Variants in ZNF346 observed in about 807,000 individuals in gnomAD.
The protein encoded by ZNF346 is double-stranded RNA-binding zinc finger protein JAZ.
In ZNF346, 23 loss-of-function variants were observed where a neutral mutation model predicts 33.7. The observed-to-expected ratio is 0.68, with a 90% CI of 0.49 to 0.97. ZNF346 has a LOEUF of 0.97. ZNF346 is among the 50% of genes least tolerant of loss of function. The pLI is 0.00. For synonymous variants in ZNF346, 134 were observed against 142.4 expected (o/e 0.94, Z 0.42); for missense variants, 340 against 371.1 (o/e 0.92, Z 0.69).
chr5:177,063,823 G>A lies in ZNF346; in HGVS notation c.798-689G>A, dbSNP rs1415034360. Among the ~76,000 whole-genome samples, 4 of 152,292 alleles carry A rather than the reference G, an allele frequency of 2.6e-5. No individual in the cohort carries two copies. In the East Asian group the frequency reaches 7.7e-4, roughly 29 times the overall value. ...GAATAGCTTGAGCCCAGGAGTTGGAGTGAGCCATGAGTTGCAGTGAGCTAT... is the reference window on the plus strand; with the variant it reads ...GAATAGCTTGAGCCCAGGAGTTGGAATGAGCCATGAGTTGCAGTGAGCTAT... On this transcript the variant is annotated intron_variant, in intron 6 of 6. Coordinates refer to ENST00000358149, the MANE Select transcript of ZNF346 (RefSeq NM_012279.4).
intron 2 of ZNF346, among the ~76,000 whole-genome samples, chr5:177,041,442 C>A (rs933714804): frequency 6.6e-6 from 1 of 152,196 alleles, no homozygotes; most frequent in Admixed American, 6.5e-5. Flanking sequence ...TCTTCCCTTG[C>A]AGCTTGGCAT....
intron 1 of ZNF346, among the ~76,000 whole-genome samples, chr5:177,029,000 T>A (rs1165570730): frequency 6.6e-6 from 1 of 151,794 alleles, no homozygotes; most frequent in African/African-American, 2.4e-5. Flanking sequence ...ATTACAGGCG[T>A]GAGCCACCGC....
intron 1 of ZNF346, among the ~76,000 whole-genome samples, chr5:177,028,521 T>TATATATA (rs56006820): frequency 8.8e-5 from 12 of 135,886 alleles, no homozygotes; most frequent in East Asian, 2.1e-4. Context: ...TATATATATA[T>TATATATA]TTCCCTCCAT....
intron 8 of ZNF346, among the ~76,000 whole-genome samples, chr5:177,073,073 A>G (rs1783581526): frequency 6.6e-6 from 1 of 152,198 alleles, no homozygotes; most frequent in African/African-American, 2.4e-5. Flanking sequence ...CCCCTCTAGC[A>G]TAGCCCTTAA....
rs1783194413 is a variant in ZNF346 at position 177,066,647 on chromosome 5, C to T, written c.*2048C>T. On this transcript the variant is annotated 3_prime_UTR_variant, in exon 7 of 7. Coordinates refer to ENST00000358149, the MANE Select transcript of ZNF346 (RefSeq NM_012279.4). Reference sequence around the variant, plus strand: ...GCTCAGGAGGCTAAGGCAGAAAGACCATTCAAGCCCAGGAGTTCCAGCCTG... The same window carrying T: ...GCTCAGGAGGCTAAGGCAGAAAGACTATTCAAGCCCAGGAGTTCCAGCCTG... Among the ~76,000 whole-genome samples the T allele has an allele frequency of 1.3e-5, 2 of 151,802 alleles. No homozygotes were observed. The highest frequency in any genetic ancestry group is 6.6e-5 in the Admixed American group (1 of 15,208).
intron 5 of ZNF346, 87 bp downstream of exon 5, chr5:177,051,023 T>G: frequency 2.9e-6 from 3 of 1,052,210 alleles, no homozygotes; most frequent in Non-Finnish European, 4.3e-6. Flanking sequence ...CTTTTCCTCC[T>G]TAGGTCTTGT....
At chr5:177,028,245 G>T (rs1777108752) in intron 1 of ZNF346, among the ~76,000 whole-genome samples, 1 of 148,082 alleles carries the variant, frequency 6.8e-6, no homozygotes, top group Admixed American at 6.7e-5. Flanking sequence ...CACTGTGTTG[G>T]CCAGGCTGGT....
intron 5 of ZNF346, among the ~76,000 whole-genome samples, chr5:177,059,438 G>C (rs987479139): frequency 6.6e-6 from 1 of 152,136 alleles, no homozygotes; most frequent in Non-Finnish European, 1.5e-5. Context: ...ATCCCACCAG[G>C]GGCAAATGCA....
intron 1 of ZNF346, among the ~76,000 whole-genome samples, chr5:177,031,739 T>C (rs2149594176): frequency 6.6e-6 from 1 of 152,276 alleles, no homozygotes; most frequent in East Asian, 1.9e-4. Context: ...CATATGTTAG[T>C]ATGCTTGAAG....
rs1308018820 is a variant in ZNF346 at position 177,041,317 on chromosome 5, T to A, written c.279+88T>A. The A allele has an allele frequency of 2.7e-6, 3 of 1,130,696 alleles. No individual in the cohort carries two copies. In the African/African-American group the frequency reaches 4.6e-5, roughly 17 times the overall value. The allele number at this position is 1,130,696 out of a possible 1,614,324, so 70.0% of individuals were successfully genotyped here. The stretch of plus-strand genomic sequence containing the variant: ...CTCTGGCTTGCATGGTGAAGTGTAA[T>A]TGCTGCTTAGCCACCCAGATGTTGC... On this transcript the variant is annotated intron_variant, in intron 2 of 6. Coordinates refer to ENST00000358149, the MANE Select transcript of ZNF346 (RefSeq NM_012279.4).
intron 3 of ZNF346, among the ~76,000 whole-genome samples, chr5:177,043,873 C>T (rs1019536328): frequency 3.9e-5 from 6 of 152,092 alleles, no homozygotes; most frequent in African/African-American, 7.2e-5. Flanking sequence ...TCAAATAGTC[C>T]GTGTTCCAAT....
At chr5:177,068,598 C>A (rs1783347249), downstream of ZNF346, among the ~76,000 whole-genome samples, 1 of 143,778 alleles carries the variant, frequency 7.0e-6, no homozygotes, top group Admixed American at 6.7e-5. Context: ...ATTGCCTCAA[C>A]TGGTTTAGTC....
rs529123131 is a variant in ZNF346 at position 177,037,727 on chromosome 5, T to C, written c.176-3399T>C. 2.5e-4 allele frequency among the ~76,000 whole-genome samples: 38 copies of C among 152,322 alleles called. No individual in the cohort carries two copies. In the South Asian group the frequency reaches 7.5e-3, roughly 30 times the overall value. On this transcript the variant is annotated intron_variant, in intron 1 of 6. Coordinates refer to ENST00000358149, the MANE Select transcript of ZNF346 (RefSeq NM_012279.4). ...ACAGCAGCCTTCTCCTTGTTCTTTC[T>C]GCTTCCATTCTTGTCCCCATACAGT... is the stretch of plus-strand genomic sequence containing the variant.
intron 6 of ZNF346, 104 bp downstream of exon 6, chr5:177,062,255 T>C (rs10052284): frequency 0.072 from 64,623 of 900,830 alleles, 6,120 homozygotes; most frequent in African/African-American, 0.38. Context: ...ATCCTGGCAG[T>C]CTTTTTTCAG....
At chr5:177,043,415 C>A (rs758801737) in intron 3 of ZNF346, among the ~76,000 whole-genome samples, 7 of 152,190 alleles carry the variant, frequency 4.6e-5, no homozygotes, top group Non-Finnish European at 1.0e-4. Context: ...ATGCTGGGAT[C>A]CCTTTATGTA....
At chr5:177,044,792 G>A (rs1474748333) in intron 4 of ZNF346, among the ~76,000 whole-genome samples, 1 of 152,086 alleles carries the variant, frequency 6.6e-6, no homozygotes, top group Non-Finnish European at 1.5e-5. Context: ...TTATAACTCA[G>A]GAGTGCCAAA....
rs747247738 is a variant in ZNF346, at chr5:177,044,391, G to A, written c.375G>A (p.Lys125=). 1.2e-6 allele frequency: 2 copies of A among 1,614,084 alleles called. No individual in the cohort carries two copies. The highest frequency in any genetic ancestry group is 2.2e-5 in the East Asian group (1 of 44,884). The change falls in exon 4 of 7, where the codon AAG becomes AAA. Residue 125 remains lysine (K), a splice_region_variant and synonymous_variant. Transcript: ENST00000358149. ...GETKKLDSDQ[K]SSRSKDKNQC... is the part of the protein sequence containing the mutation. ...CCTGTGTTCTTTCTTCCAACCAGAA[G>A]AGCAGCAGAAGCAAAGACAAGAACC...
At position 177,041,627 on chromosome 5, in the gene ZNF346, C is replaced by T. The variant is rs937626103; in HGVS notation, c.280-151C>T. ...ATTAAATTTGGTAGCTGTAAAATGC[C>T]TTGCACAGAGCAGGAACTCAAACTT... On this transcript the variant is annotated intron_variant, in intron 2 of 6. Coordinates refer to ENST00000358149, the MANE Select transcript of ZNF346 (RefSeq NM_012279.4). 1.8e-5 allele frequency: 11 copies of T among 605,822 alleles called. No individual in the cohort carries two copies. The African/African-American group carries it at 1.9e-4, about 10-fold the overall frequency. 37.5% of individuals were successfully genotyped at this position (605,822 alleles called of 1,614,324 possible). A position where few individuals can be genotyped will look rare whatever the true frequency, so the allele number is the denominator to read the frequency against.
intron 1 of ZNF346, among the ~76,000 whole-genome samples, chr5:177,023,771 T>G (rs1444434649): frequency 6.6e-6 from 1 of 152,136 alleles, no homozygotes; most frequent in Non-Finnish European, 1.5e-5. Context: ...GCTAACCTTG[T>G]CAGGTATCTG....
Sources: gnomAD v4.1 joint callset for allele counts (sites outside exome capture counted in the v4.1 genomes callset) on GRCh38, gnomAD v4.1.1 for gene constraint, MANE v1.5 for transcripts, NCBI Gene and HGNC (gene_info 2026-07-23, HGNC 2026-07-21) for gene names.